The following STAP2 variants were observed in gnomAD, a reference collection of about 807,000 sequenced individuals.
STAP2 encodes signal-transducing adaptor protein 2.
Under a neutral mutation model 52.7 loss-of-function variants are expected in STAP2, and 58 were observed. The observed-to-expected ratio is 1.10, with a 90% CI of 0.89 to 1.37. The LOEUF (loss-of-function observed/expected upper bound fraction) is 1.37. Among genes scored for constraint, STAP2 ranks in the 40% most tolerant of loss-of-function variants. The pLI is 0.00. For synonymous variants in STAP2, 231 were observed against 210.5 expected (o/e 1.10, Z -0.84); for missense variants, 522 against 519.4 (o/e 1.00, Z -0.05).
chr19:4,324,950 T>C (rs924878020), intron 11 of STAP2: 101 of 460,994 alleles, frequency 2.2e-4, no homozygotes, highest in Middle Eastern at 6.2e-4. Context: ...CTGGCTAACA[T>C]GGTGAAACCC....
chr19:4,334,905 C>CTACT (rs1217376172), intron 1 of STAP2, among the ~76,000 whole-genome samples: 3 of 142,592 alleles, frequency 2.1e-5, no homozygotes, highest in Non-Finnish European at 3.1e-5. Context: ...ATCCATCCAC[C>CTACT]CATCCATCCA....
In STAP2 at chr19:4,333,959, A is replaced by G; in HGVS notation, c.174+14T>C. The stretch of plus-strand genomic sequence containing the variant: ...AGGGAAGGCCTGCTCTGGAGCCTCC[A>G]TTCCCATCCTTACCTGGAAGTCCCG... On this transcript the variant is annotated intron_variant, in intron 2 of 12. Coordinates refer to ENST00000594605, the MANE Select transcript of STAP2 (RefSeq NM_001013841.2). 1.2e-6 allele frequency: 2 copies of G among 1,612,978 alleles called. No individual in the cohort carries two copies. Among genetic ancestry groups the G allele is most frequent in the Non-Finnish European group, 1.7e-6 (2 of 1,179,540 alleles).
intron 4 of STAP2, 51 bp from the exon 5 acceptor site, chr19:4,330,112 C>T (rs780091610): frequency 9.6e-6 from 14 of 1,460,118 alleles, no homozygotes; most frequent in East Asian, 4.5e-5. Flanking sequence ...CGGGAATGGA[C>T]GGCTGTGCCC....
intron 1 of STAP2, among the ~76,000 whole-genome samples, chr19:4,335,404 G>A (rs1273365340): frequency 8.2e-6 from 1 of 121,862 alleles, no homozygotes; most frequent in Admixed American, 8.0e-5. Context: ...CCACCCACCC[G>A]TCTGCCCACT....
At position 4,328,742 on chromosome 19, in the gene STAP2, G is replaced by C; in HGVS notation, c.523C>G (p.Leu175Val). The C allele has an allele frequency of 6.2e-7, 1 of 1,610,290 alleles. No individual in the cohort carries two copies. Among genetic ancestry groups the C allele is most frequent in the South Asian group, 1.1e-5 (1 of 90,610 alleles). ...LLERYPECGN[L>V]LLRPSGDGAD... ...CCGTCCCCGCTGGGCCGCAGCAGCA[G>C]GTTCCCGCACTCGGGGTAGCGCTCC... is the stretch of plus-strand genomic sequence containing the variant. Residue 175 changes from leucine to valine, a missense_variant, in exon 6 of 13, where the codon CTG (leucine) becomes GTG (valine). Coordinates refer to ENST00000594605, the MANE Select transcript of STAP2 (RefSeq NM_001013841.2).
chr19:4,333,736 G>C lies in STAP2; in HGVS notation c.255C>G (p.Thr85=), dbSNP rs746858605. ...GATCCCGGAGAATCAGGCTGAAGTG[G>C]GTGCCAGGGTCACGTGAGCTTCCCC... ...IPWGSSRDPG[T]HFSLILRDQE... is the part of the protein sequence containing the mutation. The change falls in exon 3 of 13, where the codon ACC becomes ACG. Residue 85 remains threonine, a synonymous_variant. Transcript: ENST00000594605. 5 of 1,613,224 alleles carry C rather than the reference G, an allele frequency of 3.1e-6. No individual in the cohort carries two copies. The Admixed American group carries it at 8.3e-5, about 27-fold the overall frequency.
In STAP2 at chr19:4,328,662, C is replaced by T. The variant is rs79318419; in HGVS notation, c.590+13G>A. Reference sequence around the variant, plus strand: ...CTCCTCCCACCCAGGGCTCTCCAGACGCGCATGCGCACCCGTTGTGCATCT... The same window carrying T: ...CTCCTCCCACCCAGGGCTCTCCAGATGCGCATGCGCACCCGTTGTGCATCT... On this transcript the variant is annotated intron_variant, in intron 6 of 12. Coordinates refer to ENST00000594605, the MANE Select transcript of STAP2 (RefSeq NM_001013841.2). 1.1e-5 allele frequency: 17 copies of T among 1,563,776 alleles called. No individual in the cohort carries two copies. The Admixed American group carries it at 2.7e-4, about 25-fold the overall frequency.
chr19:4,325,987 T>G (rs1971787222), intron 9 of STAP2, among the ~76,000 whole-genome samples: 1 of 152,044 alleles, frequency 6.6e-6, no homozygotes, highest in Non-Finnish European at 1.5e-5. Context: ...AAAAAAGTCT[T>G]TGTGTGGCAT....
rs369931191 is a variant in STAP2 at position 4,325,463 on chromosome 19, C to T, written c.912G>A (p.Pro304=). ...QDKLPPLPPL[P]NQEENYVTPI... ...GGGTCACGTAGTTCTCTTCCTGGTTCGGTAGTGGGGGCAGTGGGGGCAGCT... is the reference window on the plus strand; with the variant it reads ...GGGTCACGTAGTTCTCTTCCTGGTTTGGTAGTGGGGGCAGTGGGGGCAGCT... The change falls in exon 10 of 13, where the codon CCG becomes CCA. Residue 304 remains proline, a synonymous_variant. Coordinates refer to ENST00000594605, the MANE Select transcript of STAP2 (RefSeq NM_001013841.2). 87 of 1,613,786 alleles carry T rather than the reference C, an allele frequency of 5.4e-5. No homozygotes were observed. Among genetic ancestry groups the T allele is most frequent in the East Asian group, 8.9e-5 (4 of 44,896 alleles).
In STAP2 at chr19:4,328,770, G is replaced by A; in HGVS notation, c.495C>T (p.Leu165=). 1.2e-6 allele frequency: 2 copies of A among 1,611,138 alleles called. No individual in the cohort carries two copies. Among genetic ancestry groups the A allele is most frequent in the Non-Finnish European group, 8.5e-7 (1 of 1,179,268 alleles). The change falls in exon 6 of 13, where the codon CTC becomes CTT. Residue 165 remains leucine, a synonymous_variant. Coordinates refer to ENST00000594605, the MANE Select transcript of STAP2 (RefSeq NM_001013841.2). ...LKVSRLEAQL[L]LERYPECGNL... ...TCCCGCACTCGGGGTAGCGCTCCAGGAGCAGTTGTGCCTCCAGCCGGCTCA... is the reference window on the plus strand; with the variant it reads ...TCCCGCACTCGGGGTAGCGCTCCAGAAGCAGTTGTGCCTCCAGCCGGCTCA...
intron 1 of STAP2, 80 bp downstream of exon 1, chr19:4,338,572 G>GCC: frequency 1.2e-6 from 1 of 833,672 alleles, no homozygotes. Flanking sequence ...CCCTTGGCGA[G>GCC]TGGGGAGACA....
At chr19:4,329,613 T>C (rs1445128027) in intron 5 of STAP2, among the ~76,000 whole-genome samples, 1 of 151,056 alleles carries the variant, frequency 6.6e-6, no homozygotes, top group East Asian at 2.0e-4. Context: ...GCCTCTAGGG[T>C]CCCGGTTACC....
chr19:4,330,022 G>C lies in STAP2; in HGVS notation c.394C>G (p.Leu132Val), dbSNP rs755834101. 34 of 1,613,606 alleles carry C rather than the reference G, an allele frequency of 2.1e-5. No homozygotes were observed. The highest frequency in any genetic ancestry group is 2.7e-5 in the Non-Finnish European group (32 of 1,179,996). Residue 132 changes from leucine to valine, a missense_variant, in exon 5 of 13, where the codon CTA becomes GTA. Transcript: ENST00000594605. ...GCCAAGACTTCAGACATCATGTATA[G>C]GTGCCCAGGAAGCAGGGTCAAGTCG... Reference protein sequence around the residue: ...PTDLTLLPGHLYMMSEVLAKE... With the variant: ...PTDLTLLPGHVYMMSEVLAKE...
At chr19:4,327,444 G>A (rs928001038) in intron 6 of STAP2, 59 bp from the exon 7 acceptor site, 13 of 1,584,740 alleles carry the variant, frequency 8.2e-6, no homozygotes, top group South Asian at 1.1e-5. Flanking sequence ...GCCCCTCAGG[G>A]AAGGCCCCGC....
At chr19:4,330,898 A>T (rs1182057692) in intron 4 of STAP2, among the ~76,000 whole-genome samples, 2 of 151,782 alleles carry the variant, frequency 1.3e-5, no homozygotes, top group Non-Finnish European at 2.9e-5. Context: ...TATTTTTAGT[A>T]GAGACAGGGT....
chr19:4,327,699 A>T (rs1036975325), intron 6 of STAP2, among the ~76,000 whole-genome samples: 1 of 149,290 alleles, frequency 6.7e-6, no homozygotes, highest in Non-Finnish European at 1.5e-5. Flanking sequence ...GACTGACAAC[A>T]CCCTAGGAAA....
Position 4,327,099 on chromosome 19 carries a change from C to A in STAP2, c.763+25G>T, listed in dbSNP as rs767623744. 1.9e-5 allele frequency: 31 copies of A among 1,613,606 alleles called. 1 individual carries two copies. In the South Asian group the frequency reaches 3.3e-4, roughly 17 times the overall value. ...GGCGGGAGAGGTGAGCACTGGGCCC[C>A]CGAACTCCCCGAAGGGGCACCCACC... On this transcript the variant is annotated intron_variant, in intron 8 of 12. Coordinates refer to ENST00000594605, the MANE Select transcript of STAP2 (RefSeq NM_001013841.2).
chr19:4,324,050 G>A lies in STAP2; in HGVS notation c.*83C>T, dbSNP rs1971741282. ...CCAAGCCAGACACATGGGTCCTGGG[G>A]TCAGAGTTTTAATCCTGGGAAAAAG... On this transcript the variant is annotated 3_prime_UTR_variant, in exon 13 of 13. Coordinates refer to ENST00000594605, the MANE Select transcript of STAP2 (RefSeq NM_001013841.2). 2 of 1,433,550 alleles carry A rather than the reference G, an allele frequency of 1.4e-6. No individual in the cohort carries two copies. Among genetic ancestry groups the A allele is most frequent in the Admixed American group, 3.9e-5 (2 of 50,798 alleles). 88.8% of individuals were successfully genotyped at this position (1,433,550 alleles called of 1,614,324 possible).
chr19:4,338,563 C>CCATGG, intron 1 of STAP2, 89 bp downstream of exon 1: 1 of 811,932 alleles, frequency 1.2e-6, no homozygotes, highest in Non-Finnish European at 1.8e-6. Context: ...CCCCGCCCCC[C>CCATGG]CTTGGCGAGT....
Sources: allele counts gnomAD v4.1 joint callset (sites outside exome capture counted in the v4.1 genomes callset), GRCh38; gene constraint gnomAD v4.1.1; transcripts MANE v1.5; gene names NCBI Gene and HGNC (gene_info 2026-07-23, HGNC 2026-07-21).